C16orf78: variants seen among roughly 807,000 people sequenced by gnomAD.
C16orf78 encodes chromosome 16 open reading frame 78.
In C16orf78, 19 loss-of-function variants were observed where a neutral mutation model predicts 27.3. The ratio of observed to expected loss-of-function variants is 0.70; its 90% confidence interval spans 0.49 to 1.02. C16orf78 has a LOEUF of 1.02. C16orf78 is among the 50% of genes least tolerant of loss of function. The pLI is 0.00. For missense variants in C16orf78, 339 were observed against 337.0 expected, an observed-to-expected ratio of 1.01 and a Z score of -0.05; for synonymous variants, 130 against 116.1, an observed-to-expected ratio of 1.12 and a Z score of -0.77.
intron 3 of C16orf78, among the ~76,000 whole-genome samples, chr16:49,394,613 C>T (rs1376999069): frequency 6.6e-6 from 1 of 151,828 alleles, no homozygotes; most frequent in Non-Finnish European, 1.5e-5. Context: ...TGATGCAATG[C>T]CCAAATTACT....
At chr16:49,374,774 C>A (rs982133871) in intron 1 of C16orf78, among the ~76,000 whole-genome samples, 1 of 152,160 alleles carries the variant, frequency 6.6e-6, no homozygotes, top group Admixed American at 6.5e-5. Flanking sequence ...TAGTTCTAAC[C>A]CACCCTTTCC....
At chr16:49,378,637 T>A in intron 3 of C16orf78, 44 bp downstream of exon 3, 1 of 1,611,036 alleles carries the variant, frequency 6.2e-7, no homozygotes, top group Non-Finnish European at 8.5e-7. Context: ...TCCTGCTCCA[T>A]AATCTCCTCC....
At chr16:49,377,659 C>T in intron 1 of C16orf78, 72 bp from the exon 2 acceptor site, 1 of 1,547,768 alleles carries the variant, frequency 6.5e-7, no homozygotes, top group South Asian at 1.2e-5. Context: ...TGGGAGCCTT[C>T]TCCTTGGGGA....
At chr16:49,398,272 A>C (rs1405093517) in intron 4 of C16orf78, among the ~76,000 whole-genome samples, 1 of 152,160 alleles carries the variant, frequency 6.6e-6, no homozygotes, top group African/African-American at 2.4e-5. Context: ...CCTCTCCCAT[A>C]GTCTGTGGCA....
In C16orf78 at chr16:49,399,407, A is replaced by T. The variant is rs1470714394; in HGVS notation, c.*129A>T. Reference sequence around the variant, plus strand: ...ATCCCTTTAGAAAGTAAGCAATCAGAAAACAAGCCTCGGCTGTGTGATCAT... The same window carrying T: ...ATCCCTTTAGAAAGTAAGCAATCAGTAAACAAGCCTCGGCTGTGTGATCAT... On this transcript the variant is annotated 3_prime_UTR_variant, in exon 5 of 5. Transcript: ENST00000299191. 2.6e-6 allele frequency: 3 copies of T among 1,136,070 alleles called. No homozygotes were observed. The highest frequency in any genetic ancestry group is 3.7e-6 in the Non-Finnish European group (3 of 803,956). The allele number at this position is 1,136,070 out of a possible 1,614,324, so 70.4% of individuals were successfully genotyped here.
In C16orf78 at chr16:49,378,579, G is replaced by A. The variant is rs547715915; in HGVS notation, c.380G>A (p.Gly127Asp). The change falls in exon 3 of 5, where the codon GGC becomes GAC. Residue 127 changes from glycine (G) to aspartate (D), a missense_variant. Transcript: ENST00000299191. Reference protein sequence around the residue: ...SMVPGSYIKDGPKKSDTDIKD... With the variant: ...SMVPGSYIKDDPKKSDTDIKD... ...GTCCCTGGCAGCTACATCAAGGATG[G>A]CCCCAAGAAATCTGGTAAGGGAAAA... 3 of 1,613,878 alleles carry A rather than the reference G, an allele frequency of 1.9e-6. No homozygotes were observed. The highest frequency in any genetic ancestry group is 1.1e-5 in the South Asian group (1 of 90,966).
intron 3 of C16orf78, among the ~76,000 whole-genome samples, chr16:49,381,463 C>T (rs1008202719): frequency 1.3e-5 from 2 of 152,136 alleles, no homozygotes; most frequent in African/African-American, 2.4e-5. Flanking sequence ...AAACTACCAT[C>T]AGAGTGAACA....
intron 1 of C16orf78, 33 bp downstream of exon 1, chr16:49,374,122 C>T (rs776064505): frequency 2.5e-6 from 4 of 1,610,590 alleles, no homozygotes; most frequent in Non-Finnish European, 3.4e-6. Flanking sequence ...GGCAGGAAGA[C>T]TTTACTCAAG....
intron 3 of C16orf78, among the ~76,000 whole-genome samples, chr16:49,384,346 C>CAA (rs771147270): frequency 1.8e-3 from 93 of 50,968 alleles, no homozygotes; most frequent in African/African-American, 5.3e-3. Context: ...AAAACTCCAT[C>CAA]AAAAAAAAAA....
rs367864955 is a variant in C16orf78, at chr16:49,392,905, A to C, written c.395-3518A>C. ...AGAGAAACTGGTGGGAAGTAATTGAATCATGGAGGCAGGTGTTTCCCATGC... is the reference window on the plus strand; with the variant it reads ...AGAGAAACTGGTGGGAAGTAATTGACTCATGGAGGCAGGTGTTTCCCATGC... On this transcript the variant is annotated intron_variant, in intron 3 of 4. Transcript: ENST00000299191. Among the ~76,000 whole-genome samples the C allele has an allele frequency of 9.8e-5, 15 of 152,314 alleles. 1 individual carries two copies. In the South Asian group the frequency reaches 2.9e-3, roughly 29 times the overall value.
chr16:49,388,104 G>A (rs1281854714), intron 3 of C16orf78, among the ~76,000 whole-genome samples: 2 of 152,042 alleles, frequency 1.3e-5, no homozygotes, highest in African/African-American at 4.8e-5. Flanking sequence ...GGACAACATA[G>A]TGAGATCCTG....
chr16:49,378,782 A>G (rs27814), intron 3 of C16orf78, among the ~76,000 whole-genome samples, 189 bp downstream of exon 3: 60,300 of 152,032 alleles, frequency 0.4, 14,281 homozygotes, highest in African/African-American at 0.67. Flanking sequence ...CTTGGCAAGC[A>G]GGGTGTGACA....
intron 3 of C16orf78, among the ~76,000 whole-genome samples, chr16:49,379,105 T>C (rs1004256210): frequency 6.6e-6 from 1 of 152,108 alleles, no homozygotes; most frequent in Non-Finnish European, 1.5e-5. Context: ...CAGAGTTGTA[T>C]AATCCTGGAC....
chr16:49,381,964 C>T (rs1409459576), intron 3 of C16orf78, among the ~76,000 whole-genome samples: 2 of 151,676 alleles, frequency 1.3e-5, no homozygotes, highest in Non-Finnish European at 2.9e-5. Flanking sequence ...CACATGCACA[C>T]ATATGTTTAT....
chr16:49,381,071 C>T (rs1425446973), intron 3 of C16orf78, among the ~76,000 whole-genome samples: 2 of 152,084 alleles, frequency 1.3e-5, no homozygotes, highest in Admixed American at 6.5e-5. Flanking sequence ...TAGTGTGATG[C>T]CTCCAGCTTT....
chr16:49,384,618 A>T (rs547534292), intron 3 of C16orf78, among the ~76,000 whole-genome samples: 2 of 152,278 alleles, frequency 1.3e-5, no homozygotes, highest in South Asian at 4.1e-4. Context: ...AGAGTGATAA[A>T]ATGTATTGAA....
chr16:49,389,438 AT>A (rs1965387511), intron 3 of C16orf78, among the ~76,000 whole-genome samples: 1 of 151,090 alleles, frequency 6.6e-6, no homozygotes, highest in African/African-American at 2.4e-5. Flanking sequence ...AAAAAAAAAA[AT>A]ACAAAAATTA....
At chr16:49,388,014 G>T (rs906656725) in intron 3 of C16orf78, among the ~76,000 whole-genome samples, 3 of 152,092 alleles carry the variant, frequency 2.0e-5, no homozygotes, top group Admixed American at 2.0e-4. Flanking sequence ...GCCAGCTGTG[G>T]TGGCTCACAC....
At chr16:49,396,243 CA>C (rs1289717024) in intron 3 of C16orf78, among the ~76,000 whole-genome samples, 179 bp from the exon 4 acceptor site, 1 of 151,640 alleles carries the variant, frequency 6.6e-6, no homozygotes, top group Non-Finnish European at 1.5e-5. Context: ...AACTCAGTCT[CA>C]AAAAAAGAAA....
Sources: gnomAD v4.1 joint callset for allele counts (sites outside exome capture counted in the v4.1 genomes callset) on GRCh38, gnomAD v4.1.1 for gene constraint, MANE v1.5 for transcripts, NCBI Gene and HGNC (gene_info 2026-07-23, HGNC 2026-07-21) for gene names.